TLE4: variants seen among roughly 807,000 people sequenced by gnomAD.
The protein encoded by TLE4 is TLE family member 4, transcriptional corepressor.
Under a neutral mutation model 92.8 loss-of-function variants are expected in TLE4, and 8 were observed. The observed-to-expected ratio is 0.09, with a 90% CI of 0.05 to 0.16. The LOEUF (loss-of-function observed/expected upper bound fraction) is 0.16. Ranked by LOEUF, TLE4 falls within the 10% of genes least tolerant of loss-of-function variation. The pLI is 1.00. For missense variants in TLE4, 675 were observed against 997.6 expected, an observed-to-expected ratio of 0.68 and a Z score of 4.36; for synonymous variants, 371 against 374.1, an observed-to-expected ratio of 0.99 and a Z score of 0.10.
chr9:79,594,160 G>C (rs1038550327), intron 4 of TLE4, among the ~76,000 whole-genome samples: 3 of 152,186 alleles, frequency 2.0e-5, no homozygotes, highest in Non-Finnish European at 1.5e-5. Context: ...GAGCAGTGCT[G>C]CTCAAAATTC....
chr9:79,658,283 T>A (rs752462985), intron 8 of TLE4, among the ~76,000 whole-genome samples: 2 of 152,220 alleles, frequency 1.3e-5, no homozygotes, highest in Non-Finnish European at 2.9e-5. Flanking sequence ...TTTGTTGGCA[T>A]AATGAGTATG....
At position 79,590,905 on chromosome 9, in the gene TLE4, T is replaced by C. The variant is rs2042376853; in HGVS notation, c.252+14728T>C. Among the ~76,000 whole-genome samples the C allele has an allele frequency of 2.0e-5, 3 of 152,202 alleles. No individual in the cohort carries two copies. The South Asian group carries it at 6.2e-4, about 31-fold the overall frequency. On this transcript the variant is annotated intron_variant, in intron 4 of 19. Coordinates refer to ENST00000376552, the MANE Select transcript of TLE4 (RefSeq NM_007005.6). ...AAGGTTAAGAAGATTATAACCTAAA[T>C]ACTTAAACATGAAAAAAGTAACTTA...
chr9:79,604,292 A>G (rs1564312834), intron 4 of TLE4, among the ~76,000 whole-genome samples: 6 of 152,094 alleles, frequency 3.9e-5, no homozygotes, highest in South Asian at 4.1e-4. Context: ...GTTCCTTGCT[A>G]TGCCCTCTGC....
chr9:79,708,446 G>A, intron 12 of TLE4, 147 bp from the exon 13 acceptor site: 1 of 1,068,288 alleles, frequency 9.4e-7, no homozygotes, highest in Non-Finnish European at 1.3e-6. Flanking sequence ...CAAAGTGAAT[G>A]AGTGAATTCT....
intron 6 of TLE4, among the ~76,000 whole-genome samples, chr9:79,629,563 G>A (rs1266460047): frequency 6.6e-6 from 1 of 152,140 alleles, no homozygotes; most frequent in Non-Finnish European, 1.5e-5. Context: ...AGTACATTCT[G>A]TCAAAGCAGC....
At chr9:79,598,075 G>GAAAAAAAAAAAAAAAAAAAAAAAAA (rs748860967) in intron 4 of TLE4, among the ~76,000 whole-genome samples, 1 of 65,738 alleles carries the variant, frequency 1.5e-5, no homozygotes. Context: ...TACTGAAAAA[G>GAAAAAAAAAAAAAAAAAAAAAAAAA]AAAAAAAAAA....
At position 79,572,506 on chromosome 9, in the gene TLE4, G is replaced by T. The variant is rs1051697524; in HGVS notation, c.-285G>T. 6.5e-6 allele frequency: 1 copy of T among 154,744 alleles called. No homozygotes were observed. Among genetic ancestry groups the T allele is most frequent in the African/African-American group, 2.4e-5 (1 of 41,266 alleles). The allele number at this position is 154,744 out of a possible 1,614,324, so 9.6% of individuals were successfully genotyped here. ...CCGGGCTCGGCGGGTGCGCCTCGGC[G>T]GAGCGAACGTCGGAGCGTTGCCTTG... On this transcript the variant is annotated 5_prime_UTR_variant, in exon 1 of 20. Coordinates refer to ENST00000376552, the MANE Select transcript of TLE4 (RefSeq NM_007005.6).
chr9:79,602,989 A>C (rs2046002139), intron 4 of TLE4, among the ~76,000 whole-genome samples: 1 of 152,098 alleles, frequency 6.6e-6, no homozygotes, highest in Non-Finnish European at 1.5e-5. Context: ...GGGGTTCAAG[A>C]CCCTGAGGAT....
At chr9:79,674,272 G>A (rs1035470811) in intron 8 of TLE4, among the ~76,000 whole-genome samples, 3 of 152,112 alleles carry the variant, frequency 2.0e-5, no homozygotes, top group African/African-American at 7.2e-5. Context: ...CATCAGAACA[G>A]CCCATTAAGG....
intron 8 of TLE4, 43 bp from the exon 9 acceptor site, chr9:79,704,740 G>T: frequency 6.3e-7 from 1 of 1,588,668 alleles, no homozygotes; most frequent in Non-Finnish European, 8.5e-7. Flanking sequence ...CGGCTAAATA[G>T]ATGATAATTT....
At chr9:79,582,971 A>G (rs973911288) in intron 4 of TLE4, among the ~76,000 whole-genome samples, 6 of 152,228 alleles carry the variant, frequency 3.9e-5, no homozygotes, top group African/African-American at 1.4e-4. Context: ...CAAAGTAAGT[A>G]TACTGCGAAC....
At chr9:79,725,000 A>G (rs995752717) in intron 19 of TLE4, 37 bp from the exon 20 acceptor site, 1 of 1,521,390 alleles carries the variant, frequency 6.6e-7, no homozygotes, top group African/African-American at 1.4e-5. Flanking sequence ...ATTTTCTTTC[A>G]GTATTTAACA....
At chr9:79,618,989 C>T (rs2050319414) in intron 5 of TLE4, among the ~76,000 whole-genome samples, 1 of 152,156 alleles carries the variant, frequency 6.6e-6, no homozygotes, top group Admixed American at 6.5e-5. Flanking sequence ...AAGGGAACTT[C>T]CATACCAACC....
At chr9:79,585,524 G>GT (rs1457093793) in intron 4 of TLE4, among the ~76,000 whole-genome samples, 3 of 152,194 alleles carry the variant, frequency 2.0e-5, no homozygotes, top group Non-Finnish European at 2.9e-5. Flanking sequence ...ATATTGCTGA[G>GT]TACCGTACCT....
rs182512564 is a variant in TLE4 at position 79,666,518 on chromosome 9, C to T, written c.609+12443C>T. Among the ~76,000 whole-genome samples, 22 of 152,270 alleles carry T rather than the reference C, an allele frequency of 1.4e-4. No homozygotes were observed. The East Asian group carries it at 3.9e-3, about 27-fold the overall frequency. Reference sequence around the variant, plus strand: ...CCTCCCAAAGTGTTGGGATTACAGGCGTGAGCCATCACGCCCCACCCCTTC... The same window carrying T: ...CCTCCCAAAGTGTTGGGATTACAGGTGTGAGCCATCACGCCCCACCCCTTC... On this transcript the variant is annotated intron_variant, in intron 8 of 19. Transcript: ENST00000376552.
At chr9:79,681,914 TA>T (rs926686301) in intron 8 of TLE4, among the ~76,000 whole-genome samples, 4 of 151,688 alleles carry the variant, frequency 2.6e-5, no homozygotes, top group East Asian at 1.9e-4. Context: ...TATAATTTGA[TA>T]TTTTTTTAAT....
chr9:79,616,673 T>C (rs2133200584), intron 5 of TLE4, among the ~76,000 whole-genome samples: 1 of 152,318 alleles, frequency 6.6e-6, no homozygotes, highest in South Asian at 2.1e-4. Flanking sequence ...CCCTTAGACC[T>C]CAGTGGGTCC....
intron 13 of TLE4, 73 bp downstream of exon 13, chr9:79,708,859 T>C (rs2072455363): frequency 1.4e-6 from 2 of 1,471,712 alleles, no homozygotes; most frequent in Admixed American, 2.1e-5. Flanking sequence ...TGCGACAGGG[T>C]CTCGCTCTGT....
rs1441256066 is a variant in TLE4, at chr9:79,572,673, C to G, written c.-118C>G. 2 of 972,804 alleles carry G rather than the reference C, an allele frequency of 2.1e-6. No homozygotes were observed. The highest frequency in any genetic ancestry group is 3.0e-5 in the Admixed American group (1 of 32,894). The allele number at this position is 972,804 out of a possible 1,614,324, so 60.3% of individuals were successfully genotyped here. The stretch of plus-strand genomic sequence containing the variant: ...AGACCCGGCGGGGGCCGGGACCGCC[C>G]GAGCCGCCCCTCAGACCGAGCCGGC... On this transcript the variant is annotated 5_prime_UTR_variant, in exon 1 of 20. Coordinates refer to ENST00000376552, the MANE Select transcript of TLE4 (RefSeq NM_007005.6).
Sources: gnomAD v4.1 joint callset for allele counts (sites outside exome capture counted in the v4.1 genomes callset) on GRCh38, gnomAD v4.1.1 for gene constraint, MANE v1.5 for transcripts, NCBI Gene and HGNC (gene_info 2026-07-23, HGNC 2026-07-21) for gene names.